Variants in ADORA2B observed in about 807,000 individuals in gnomAD.
ADORA2B encodes adenosine A2b receptor, also known as adenosine receptor A2b.
A neutral mutation model predicts 20.8 loss-of-function variants in ADORA2B; 18 were observed. That is an observed-to-expected ratio of 0.87 (90% CI 0.60 to 1.29). The LOEUF is 1.29. ADORA2B is among the 50% of genes most tolerant of loss of function. The pLI is 0.00. For missense variants in ADORA2B, 441 were observed against 422.7 expected, an observed-to-expected ratio of 1.04 and a Z score of -0.38; for synonymous variants, 179 against 178.3, an observed-to-expected ratio of 1.00 and a Z score of -0.03.
chr17:15,891,529 A>G, the ADORA2B span, among the ~76,000 whole-genome samples: 1 of 152,128 alleles, frequency 6.6e-6, no homozygotes, highest in African/African-American at 2.4e-5. Context: ...TGATCTGTAA[A>G]CTGTTACATT....
chr17:15,855,686 C>T, the ADORA2B span, among the ~76,000 whole-genome samples: 2 of 151,620 alleles, frequency 1.3e-5, no homozygotes, highest in Non-Finnish European at 2.9e-5. Context: ...TCTCCAGAAA[C>T]TTTTTCTAAA....
the ADORA2B span, among the ~76,000 whole-genome samples, chr17:15,915,591 G>A: frequency 6.2e-5 from 9 of 145,304 alleles, no homozygotes; most frequent in African/African-American, 9.7e-5. Flanking sequence ...ATAGGAGATA[G>A]ATAGGTGATA....
At chr17:15,946,554 G>A (rs1969809104) in intron 1 of ADORA2B, among the ~76,000 whole-genome samples, 1 of 152,212 alleles carries the variant, frequency 6.6e-6, no homozygotes, top group South Asian at 2.1e-4. Flanking sequence ...CTGAGACAGG[G>A]AAACTAAATC....
At chr17:15,915,249 A>G in the ADORA2B span, among the ~76,000 whole-genome samples, 1 of 152,156 alleles carries the variant, frequency 6.6e-6, no homozygotes, top group Non-Finnish European at 1.5e-5. Flanking sequence ...TTCCAGTCAC[A>G]TCTCCCCTGG....
the ADORA2B span, among the ~76,000 whole-genome samples, chr17:15,879,109 C>T: frequency 3.9e-5 from 6 of 151,978 alleles, 1 homozygote; most frequent in African/African-American, 1.5e-4. Flanking sequence ...TTTTTAGTTA[C>T]GATGTTAGTG....
At chr17:15,917,402 C>T in the ADORA2B span, among the ~76,000 whole-genome samples, 653 of 152,342 alleles carry the variant, frequency 4.3e-3, 2 homozygotes, top group African/African-American at 0.015. Flanking sequence ...TCAGGGCTCC[C>T]AAGGGGCGCC....
chr17:15,871,852 A>G, the ADORA2B span, among the ~76,000 whole-genome samples: 1 of 152,082 alleles, frequency 6.6e-6, no homozygotes, highest in Non-Finnish European at 1.5e-5. Context: ...CTTTCACTGT[A>G]ATAAATTTGT....
the ADORA2B span, among the ~76,000 whole-genome samples, chr17:15,860,480 C>G: frequency 6.6e-6 from 1 of 152,164 alleles, no homozygotes; most frequent in Non-Finnish European, 1.5e-5. Context: ...CTCTCTCTCT[C>G]TCTCTGATGT....
chr17:15,936,822 GGC>G, the ADORA2B span, among the ~76,000 whole-genome samples: 4 of 152,170 alleles, frequency 2.6e-5, no homozygotes, highest in African/African-American at 9.7e-5. Flanking sequence ...CCAGCATGGT[GGC>G]ACATGCCTGT....
the ADORA2B span, among the ~76,000 whole-genome samples, chr17:15,900,259 G>A: frequency 6.6e-6 from 1 of 152,126 alleles, no homozygotes; most frequent in Non-Finnish European, 1.5e-5. Flanking sequence ...TTTATTTTCT[G>A]TTGGATATAT....
chr17:15,861,831 T>G, the ADORA2B span, among the ~76,000 whole-genome samples: 1 of 152,260 alleles, frequency 6.6e-6, no homozygotes, highest in Non-Finnish European at 1.5e-5. Flanking sequence ...TCATGTTGGT[T>G]AATCTTCTGA....
chr17:15,966,558 G>A (rs769154629), intron 1 of ADORA2B, among the ~76,000 whole-genome samples: 1 of 152,202 alleles, frequency 6.6e-6, no homozygotes, highest in Admixed American at 6.5e-5. Context: ...AGGCCTTGGC[G>A]GTTCCCCGTT....
the ADORA2B span, among the ~76,000 whole-genome samples, chr17:15,904,290 T>G: frequency 5.9e-5 from 9 of 151,774 alleles, no homozygotes; most frequent in South Asian, 1.9e-3. Flanking sequence ...AATTTTTTTC[T>G]TTCTTGATGA....
chr17:15,973,884 C>T (rs1171915446), intron 1 of ADORA2B: 1 of 152,188 alleles, frequency 6.6e-6, no homozygotes, highest in Admixed American at 6.5e-5. Flanking sequence ...GCCAATTTTA[C>T]CACAGTTGAT....
chr17:15,916,137 G>A, the ADORA2B span, among the ~76,000 whole-genome samples: 7 of 152,198 alleles, frequency 4.6e-5, no homozygotes, highest in African/African-American at 9.6e-5. Context: ...ACGAACAGGC[G>A]AAGACTCTTG....
the ADORA2B span, among the ~76,000 whole-genome samples, chr17:15,881,741 G>A: frequency 6.6e-6 from 1 of 152,172 alleles, no homozygotes; most frequent in African/African-American, 2.4e-5. Context: ...ATCTGTGTTG[G>A]GGCGTGTGTC....
chr17:15,917,768 G>C, the ADORA2B span, among the ~76,000 whole-genome samples: 5 of 152,214 alleles, frequency 3.3e-5, no homozygotes, highest in Non-Finnish European at 7.3e-5. Flanking sequence ...TTCAACAGAC[G>C]ACCGCTCCGG....
the ADORA2B span, among the ~76,000 whole-genome samples, chr17:15,916,370 G>A: frequency 3.3e-5 from 5 of 152,152 alleles, no homozygotes; most frequent in African/African-American, 4.8e-5. Flanking sequence ...CTCAGACACC[G>A]AGTTAAAGAA....
chr17:15,894,532 G>C, the ADORA2B span, among the ~76,000 whole-genome samples: 2 of 152,254 alleles, frequency 1.3e-5, no homozygotes, highest in Admixed American at 6.5e-5. Context: ...CTGATCCAGG[G>C]AGTCCAAGGG....
Sources: gnomAD v4.1 joint callset for allele counts (sites outside exome capture counted in the v4.1 genomes callset) on GRCh38, gnomAD v4.1.1 for gene constraint, MANE v1.5 for transcripts, NCBI Gene and HGNC (gene_info 2026-07-23, HGNC 2026-07-21) for gene names.